EMILIN2: variants seen among roughly 807,000 people sequenced by gnomAD.
EMILIN2 encodes the protein elastin microfibril interfacer 2.
Under a neutral mutation model 87.1 loss-of-function variants are expected in EMILIN2, and 71 were observed. That is an observed-to-expected ratio of 0.82 (90% confidence interval 0.67 to 0.99). The LOEUF is 0.99. Among genes scored for constraint, EMILIN2 ranks in the 50% least tolerant of loss-of-function variants. EMILIN2 has a pLI of 0.00. For synonymous variants in EMILIN2, 581 were observed against 563.4 expected (o/e 1.03, Z -0.44); for missense variants, 1,407 against 1,371.8 (o/e 1.03, Z -0.40).
intron 4 of EMILIN2, among the ~76,000 whole-genome samples, chr18:2,904,484 G>A (rs143929173): frequency 4.4e-4 from 67 of 152,058 alleles, no homozygotes; most frequent in Admixed American, 2.8e-3. Context: ...TCATCATTTC[G>A]TCATCATGTT....
chr18:2,889,133 C>CTTTTTT (rs772439545), intron 3 of EMILIN2, among the ~76,000 whole-genome samples: 143 of 84,306 alleles, frequency 1.7e-3, no homozygotes, highest in African/African-American at 3.9e-3. Flanking sequence ...TCTTTCTTTT[C>CTTTTTT]TTTTTTTTTT....
At position 2,891,010 on chromosome 18, in the gene EMILIN2, A is replaced by G. The variant is rs2076833402; in HGVS notation, c.883A>G (p.Arg295Gly). Residue 295 changes from arginine (R) to glycine (G), a missense_variant, in exon 4 of 8, where the codon AGA (arginine) becomes GGA (glycine). Coordinates refer to ENST00000254528, the MANE Select transcript of EMILIN2 (RefSeq NM_032048.3). This position sits in a 1 kb window ranked among gnomAD's most constrained non-coding sequence, Gnocchi z 4.6. ...GKVKGYEGQLRQLQEAAQGPT... is the reference protein window; with the variant it reads ...GKVKGYEGQLGQLQEAAQGPT... Reference sequence around the variant, plus strand: ...AGTGAAGGGCTACGAAGGGCAGCTCAGACAGCTCCAGGAAGCAGCTCAGGG... The same window carrying G: ...AGTGAAGGGCTACGAAGGGCAGCTCGGACAGCTCCAGGAAGCAGCTCAGGG... 1 of 1,614,236 alleles carries G rather than the reference A, an allele frequency of 6.2e-7. No individual in the cohort carries two copies. Among genetic ancestry groups the G allele is most frequent in the South Asian group, 1.1e-5 (1 of 91,090 alleles).
rs117836063 is a variant in EMILIN2, at chr18:2,914,111, C to G, written c.*707C>G. 5 of 152,620 alleles carry G rather than the reference C, an allele frequency of 3.3e-5. No individual in the cohort carries two copies. The highest frequency in any genetic ancestry group is 4.8e-5 in the African/African-American group (2 of 41,444). 9.5% of individuals were successfully genotyped at this position (152,620 alleles called of 1,614,324 possible). Reference sequence around the variant, plus strand: ...AATTTAAGTGTGGTCCCTTACAGATCGGGAGTTGTTGCTAAAAAGCAAACT... The same window carrying G: ...AATTTAAGTGTGGTCCCTTACAGATGGGGAGTTGTTGCTAAAAAGCAAACT... On this transcript the variant is annotated 3_prime_UTR_variant, in exon 8 of 8. Coordinates refer to ENST00000254528, the MANE Select transcript of EMILIN2 (RefSeq NM_032048.3).
At chr18:2,869,671 G>A (rs1333882851) in intron 2 of EMILIN2, among the ~76,000 whole-genome samples, 2 of 151,808 alleles carry the variant, frequency 1.3e-5, no homozygotes, top group African/African-American at 4.8e-5. Flanking sequence ...GGGCTTAAGT[G>A]ATCCTCCCAC....
chr18:2,896,424 T>A (rs1341158815), intron 4 of EMILIN2, among the ~76,000 whole-genome samples: 1 of 151,794 alleles, frequency 6.6e-6, no homozygotes, highest in East Asian at 1.9e-4. Flanking sequence ...GATCCACCCA[T>A]CTCAGCCTCC....
At position 2,890,754 on chromosome 18, in the gene EMILIN2, T is replaced by A; in HGVS notation, c.627T>A (p.Ser209Arg). 1.9e-6 allele frequency: 3 copies of A among 1,613,642 alleles called. No individual in the cohort carries two copies. Among genetic ancestry groups the A allele is most frequent in the Non-Finnish European group, 2.5e-6 (3 of 1,179,832 alleles). ...LDLQSSLAGV[S>R]ENLKHATQDD... ...TCCAGTCTTCCCTTGCTGGAGTGAG[T>A]GAAAATCTCAAACATGCCACTCAGG... The change falls in exon 4 of 8, where the codon AGT (serine) becomes AGA (arginine). Residue 209 changes from serine (S) to arginine (R), a missense_variant. By Grantham distance (110) the Ser-to-Arg change is moderately radical (BLOSUM62 -1). Transcript: ENST00000254528. The surrounding 1 kb of genome is among the most constrained non-coding windows in gnomAD (Gnocchi z 4.7).
At chr18:2,901,870 C>T (rs2076889397) in intron 4 of EMILIN2, among the ~76,000 whole-genome samples, 2 of 152,174 alleles carry the variant, frequency 1.3e-5, no homozygotes, top group African/African-American at 2.4e-5. Flanking sequence ...GGGCTGGGGG[C>T]ACCCATCCCA....
In EMILIN2 at chr18:2,885,117, A is replaced by T. The variant is rs1486150242; in HGVS notation, c.411A>T (p.Arg137=). 6.2e-7 allele frequency: 1 copy of T among 1,608,436 alleles called. No individual in the cohort carries two copies. The highest frequency in any genetic ancestry group is 1.3e-5 in the African/African-American group (1 of 74,616). ...TCCGCCCCACGCCGGCTCGGCCTCG[A>T]AACAGCTTGAAGAAAGCCACAGGTA... ...KTLRPTPARP[R]NSLKKATDNE... The change falls in exon 3 of 8, where the codon CGA becomes CGT. Residue 137 remains arginine (R), a synonymous_variant. Transcript: ENST00000254528.
intron 2 of EMILIN2, among the ~76,000 whole-genome samples, chr18:2,868,039 C>T (rs879494786): frequency 1.3e-5 from 2 of 152,034 alleles, no homozygotes; most frequent in Admixed American, 6.5e-5. Context: ...CTCCTCACTT[C>T]CCAGACGGGG....
intron 6 of EMILIN2, 73 bp from the exon 7 acceptor site, chr18:2,909,618 T>A (rs1028907140): frequency 6.4e-7 from 1 of 1,570,378 alleles, no homozygotes; most frequent in African/African-American, 1.4e-5. Context: ...CACGTAGGCC[T>A]CAGTTTTCCA....
At position 2,906,847 on chromosome 18, in the gene EMILIN2, GCCGAGGC is replaced by G. The variant is rs2076915613; in HGVS notation, c.2427_2433del (p.Arg810AlafsTer84). ...AGCCGCTGCAGCCCGAGCCCGCCCC[GCCGAGGC>G]CCAGCGGCCCCGCAACCGCAGAGGA... On this transcript the variant is annotated frameshift_variant, in exon 5 of 8. Coordinates refer to ENST00000254528, the MANE Select transcript of EMILIN2 (RefSeq NM_032048.3). LOFTEE classifies it high-confidence loss of function. The G allele has an allele frequency of 1.5e-6, 2 of 1,348,656 alleles. No individual in the cohort carries two copies. The highest frequency in any genetic ancestry group is 1.5e-5 in the African/African-American group (1 of 65,620). 83.5% of individuals were successfully genotyped at this position (1,348,656 alleles called of 1,614,324 possible).
Position 2,891,526 on chromosome 18 carries a change from C to T in EMILIN2, c.1399C>T (p.His467Tyr). Residue 467 changes from histidine to tyrosine, a missense_variant, in exon 4 of 8, where the codon CAT (histidine) becomes TAT (tyrosine). Transcript: ENST00000254528. The surrounding 1 kb of genome is among the most constrained non-coding windows in gnomAD (Gnocchi z 4.6). Reference sequence around the variant, plus strand: ...TGTGACGGAGAAGAACGCTGAAGAACATTGCTTTTACATTGAGGAAACCCT... The same window carrying T: ...TGTGACGGAGAAGAACGCTGAAGAATATTGCTTTTACATTGAGGAAACCCT... ...INVTEKNAEE[H>Y]CFYIEETLRG... 3.1e-6 allele frequency: 5 copies of T among 1,614,196 alleles called. No homozygotes were observed. Among genetic ancestry groups the T allele is most frequent in the Non-Finnish European group, 4.2e-6 (5 of 1,180,038 alleles).
At position 2,913,241 on chromosome 18, in the gene EMILIN2, A is replaced by T. The variant is rs1229818549; in HGVS notation, c.2999A>T (p.His1000Leu). ...LEYHRPPGAL[H>L]TCGGPGAFHL... ...TACCACCGCCCTCCAGGAGCTTTGC[A>T]TACCTGCGGGGGCCCGGGGGCATTC... Residue 1000 changes from histidine to leucine, a missense_variant, in exon 8 of 8, where the codon CAT (histidine) becomes CTT (leucine). Physicochemically the swap from His to Leu is moderately conservative, Grantham distance 99. Coordinates refer to ENST00000254528, the MANE Select transcript of EMILIN2 (RefSeq NM_032048.3). The T allele has an allele frequency of 1.9e-6, 3 of 1,614,048 alleles. No homozygotes were observed. In the East Asian group the frequency reaches 6.7e-5, roughly 36 times the overall value.
intron 2 of EMILIN2, among the ~76,000 whole-genome samples, chr18:2,858,601 A>ATATATATATATG (rs745894577): frequency 6.8e-5 from 7 of 103,622 alleles, no homozygotes; most frequent in Admixed American, 9.5e-5. Context: ...ATATATATAT[A>ATATATATATATG]TGTGTATATA....
In EMILIN2 at chr18:2,913,433, T is replaced by A. The variant is rs1790994; in HGVS notation, c.*29T>A. Reference sequence around the variant, plus strand: ...GGCTGGGGAGATGTCAGGGGAAAGATAGATAGTTGTAAAAACTCTAAAGCT... The same window carrying A: ...GGCTGGGGAGATGTCAGGGGAAAGAAAGATAGTTGTAAAAACTCTAAAGCT... On this transcript the variant is annotated 3_prime_UTR_variant, in exon 8 of 8. Coordinates refer to ENST00000254528, the MANE Select transcript of EMILIN2 (RefSeq NM_032048.3). 6.7e-7 allele frequency: 1 copy of A among 1,499,740 alleles called. No homozygotes were observed. Among genetic ancestry groups the A allele is most frequent in the Middle Eastern group, 1.8e-4 (1 of 5,514 alleles). The allele number at this position is 1,499,740 out of a possible 1,614,324, so 92.9% of individuals were successfully genotyped here. A position where few individuals can be genotyped will look rare whatever the true frequency, so the allele number is the denominator to read the frequency against.
Position 2,892,377 on chromosome 18 carries a change from G to T in EMILIN2, c.2250G>T (p.Ser750=). 1 of 1,614,074 alleles carries T rather than the reference G, an allele frequency of 6.2e-7. No individual in the cohort carries two copies. ...CVRQMNGTLR[S]HSRDISGLKN... ...GGCAGATGAACGGAACGCTCAGGTC[G>T]CATTCCAGAGACATTTCTGGCCTGA... Residue 750 remains serine (S), a synonymous_variant, in exon 4 of 8, where the codon TCG becomes TCT. Coordinates refer to ENST00000254528, the MANE Select transcript of EMILIN2 (RefSeq NM_032048.3).
chr18:2,875,414 G>T (rs556499500), intron 2 of EMILIN2, among the ~76,000 whole-genome samples: 1 of 152,296 alleles, frequency 6.6e-6, no homozygotes, highest in Admixed American at 6.5e-5. Context: ...CTGCCTCCAG[G>T]AATGAGGAAA....
intron 4 of EMILIN2, among the ~76,000 whole-genome samples, chr18:2,899,676 G>T (rs1390400225): frequency 2.6e-5 from 4 of 151,970 alleles, no homozygotes; most frequent in Non-Finnish European, 4.4e-5. Flanking sequence ...CACTAATTTT[G>T]TATTTTTAGT....
chr18:2,861,615 A>G (rs1453442988), intron 2 of EMILIN2, among the ~76,000 whole-genome samples: 5 of 152,178 alleles, frequency 3.3e-5, no homozygotes, highest in African/African-American at 4.8e-5. Context: ...TACCAGTACC[A>G]TGCTGTTTTG....
Sources: gnomAD v4.1 joint callset for allele counts (sites outside exome capture counted in the v4.1 genomes callset) on GRCh38, gnomAD v4.1.1 for gene constraint, Gnocchi (gnomAD v3.1) non-coding constraint, MANE v1.5 for transcripts, NCBI Gene and HGNC (gene_info 2026-07-23, HGNC 2026-07-21) for gene names.